The following KLHL4 variants were observed in gnomAD, a reference collection of about 807,000 sequenced individuals.
KLHL4 encodes kelch-like protein 4.
A neutral mutation model predicts 45.8 loss-of-function variants in KLHL4; 17 were observed. The observed-to-expected ratio is 0.37, with a 90% CI of 0.25 to 0.56. The LOEUF (loss-of-function observed/expected upper bound fraction) is 0.56. KLHL4 is among the 20% of genes least tolerant of loss of function. KLHL4 has a pLI of 0.79. For synonymous variants in KLHL4, 224 were observed against 189.9 expected, an observed-to-expected ratio of 1.18 and a Z score of -1.47; for missense variants, 544 against 544.9, an observed-to-expected ratio of 1.00 and a Z score of 0.02.
chrX:87,554,934 T>G (rs1931934445), intron 1 of KLHL4, among the ~76,000 whole-genome samples: 1 of 106,664 alleles, frequency 9.4e-6, no homozygotes, highest in Non-Finnish European at 1.9e-5. Flanking sequence ...TGAAGTGTTG[T>G]TGAATTTTGT....
At chrX:87,533,267 C>G (rs1183914791) in intron 1 of KLHL4, among the ~76,000 whole-genome samples, 3 of 103,013 alleles carry the variant, frequency 2.9e-5, no homozygotes, top group Non-Finnish European at 5.9e-5. Context: ...ATGTTTATTG[C>G]GGCACTATTC....
intron 1 of KLHL4, among the ~76,000 whole-genome samples, chrX:87,603,589 A>G (rs183255851): frequency 9.0e-6 from 1 of 111,177 alleles, no homozygotes; most frequent in Admixed American, 9.6e-5. Context: ...CTATAATTGT[A>G]TATAGTTATG....
chrX:87,533,629 C>A (rs1363703123), intron 1 of KLHL4, among the ~76,000 whole-genome samples: 1 of 108,105 alleles, frequency 9.3e-6, no homozygotes, highest in Non-Finnish European at 1.9e-5. Context: ...GGGTGCAGCA[C>A]AGCAGCATGG....
rs754257212 is a variant in KLHL4, at chrX:87,592,000, C to T, written c.423-21877C>T. ...GCCCATTAACCATCCAAACTTCCCC[C>T]CCCACCCCCACTATCCTTGCCAGCC... is the stretch of plus-strand genomic sequence containing the variant. On this transcript the variant is annotated intron_variant, in intron 1 of 10. Transcript: ENST00000373119. Among the ~76,000 whole-genome samples the T allele has an allele frequency of 2.3e-3, 256 of 110,239 alleles. 2 individuals are homozygous for T. The highest frequency in any genetic ancestry group is 8.1e-3 in the African/African-American group (247 of 30,308).
intron 6 of KLHL4, among the ~76,000 whole-genome samples, chrX:87,628,395 GAA>G (rs1186034814): frequency 9.1e-6 from 1 of 110,012 alleles, no homozygotes; most frequent in African/African-American, 3.3e-5. Flanking sequence ...GCAAAAAAAA[GAA>G]AAAAGAGAAA....
chrX:87,584,784 G>A (rs1195774546), intron 1 of KLHL4, among the ~76,000 whole-genome samples: 1 of 105,940 alleles, frequency 9.4e-6, no homozygotes, highest in South Asian at 4.2e-4. Flanking sequence ...GTAGGGAAAA[G>A]ATAGAAGTAG....
At chrX:87,650,958 C>A (rs1333040123) in intron 9 of KLHL4, among the ~76,000 whole-genome samples, 1 of 111,467 alleles carries the variant, frequency 9.0e-6, no homozygotes, top group Admixed American at 9.6e-5. Context: ...AGCAAAAGAA[C>A]AGTATGAGGG....
chrX:87,597,205 T>C (rs1921865398), intron 1 of KLHL4, among the ~76,000 whole-genome samples: 1 of 108,273 alleles, frequency 9.2e-6, no homozygotes, highest in Admixed American at 9.7e-5. Flanking sequence ...TTATATGGAC[T>C]GCTTTGTACC....
At chrX:87,555,461 C>T (rs887414636) in intron 1 of KLHL4, among the ~76,000 whole-genome samples, 2 of 111,108 alleles carry the variant, frequency 1.8e-5, no homozygotes, top group Admixed American at 9.6e-5. Flanking sequence ...GTGTTCGTGT[C>T]GAGGAATTTA....
intron 6 of KLHL4, among the ~76,000 whole-genome samples, 176 bp from the exon 7 acceptor site, chrX:87,632,034 G>A (rs1431707594): frequency 8.9e-6 from 1 of 111,977 alleles, no homozygotes; most frequent in Non-Finnish European, 1.9e-5. Context: ...AGTGGTAAAA[G>A]ATTATCCTTT....
intron 9 of KLHL4, among the ~76,000 whole-genome samples, chrX:87,646,309 A>T (rs1031979175): frequency 1.8e-5 from 2 of 111,796 alleles, no homozygotes; most frequent in Non-Finnish European, 1.9e-5. Context: ...TGTGATCATG[A>T]CCATACTGCC....
chrX:87,632,512 A>T, intron 7 of KLHL4, 78 bp downstream of exon 7: 1 of 658,136 alleles, frequency 1.5e-6, no homozygotes, highest in Non-Finnish European at 2.2e-6. Context: ...GCAGCACATT[A>T]TTGGGATTTA....
chrX:87,622,189 G>A (rs761703956), intron 4 of KLHL4, 22 bp from the exon 5 acceptor site: 3 of 1,088,271 alleles, frequency 2.8e-6, no homozygotes, highest in Non-Finnish European at 3.8e-6. Context: ...CAAAGTTTTA[G>A]TAGATGACCT....
At chrX:87,588,181 T>C (rs746322863) in intron 1 of KLHL4, among the ~76,000 whole-genome samples, 1 of 111,782 alleles carries the variant, frequency 8.9e-6, no homozygotes, top group South Asian at 3.7e-4. Flanking sequence ...TCCATGTTCA[T>C]AGATTGAAAA....
rs1456143534 is a variant in KLHL4, at chrX:87,518,002, C to T, written c.109C>T (p.Gln37Ter). The T allele has an allele frequency of 8.3e-7, 1 of 1,211,374 alleles. No individual in the cohort carries two copies. The highest frequency in any genetic ancestry group is 1.1e-6 in the Non-Finnish European group (1 of 895,416). The stretch of plus-strand genomic sequence containing the variant: ...TTCCACCAACACTGGAAGCTGTCTT[C>T]AGCAGGAAGGATATGAGCATAGAGG... Reference protein sequence around the residue: ...QGSTNTGSCLQQEGYEHRGTP... With the variant: ...QGSTNTGSCL The change falls in exon 1 of 11, where the codon CAG becomes TAG. Residue 37 changes from glutamine (Q) to a stop codon, truncating the protein, a stop_gained. Coordinates refer to ENST00000373119, the MANE Select transcript of KLHL4 (RefSeq NM_019117.5). LOFTEE classifies it high-confidence loss of function.
chrX:87,600,252 C>T (rs758530964), intron 1 of KLHL4, among the ~76,000 whole-genome samples: 98 of 110,555 alleles, frequency 8.9e-4, no homozygotes, highest in African/African-American at 3.0e-3. Flanking sequence ...TTTGGGAGGC[C>T]GAGGTGGGCG....
At chrX:87,589,112 A>G (rs1415278225) in intron 1 of KLHL4, among the ~76,000 whole-genome samples, 1 of 112,078 alleles carries the variant, frequency 8.9e-6, no homozygotes, top group Non-Finnish European at 1.9e-5. Context: ...ATGAGATATT[A>G]TCTCATCTTA....
intron 1 of KLHL4, among the ~76,000 whole-genome samples, chrX:87,580,362 C>A (rs1921235188): frequency 9.3e-6 from 1 of 107,836 alleles, no homozygotes; most frequent in Non-Finnish European, 1.9e-5. Flanking sequence ...AAGAGTAAGT[C>A]TTTACCTACC....
At chrX:87,654,435 G>A (rs1923920286) in intron 9 of KLHL4, among the ~76,000 whole-genome samples, 1 of 111,253 alleles carries the variant, frequency 9.0e-6, no homozygotes, top group South Asian at 3.7e-4. Flanking sequence ...TTTAAGACAT[G>A]ATTATTTAAA....
Sources: allele counts gnomAD v4.1 joint callset (sites outside exome capture counted in the v4.1 genomes callset), GRCh38; gene constraint gnomAD v4.1.1; transcripts MANE v1.5; gene names NCBI Gene and HGNC (gene_info 2026-07-23, HGNC 2026-07-21).